The following DCC variants were observed in gnomAD, a reference collection of about 807,000 sequenced individuals.
DCC encodes DCC netrin 1 receptor.
A neutral mutation model predicts 172.5 loss-of-function variants in DCC; 58 were observed. The ratio of observed to expected loss-of-function variants is 0.34; its 90% CI spans 0.27 to 0.42. The LOEUF (loss-of-function observed/expected upper bound fraction) is 0.42. Ranked by LOEUF, DCC falls within the 10% of genes least tolerant of loss-of-function variation. The pLI, the probability that DCC is intolerant of heterozygous loss-of-function variation, is 1.00. For synonymous variants in DCC, 709 were observed against 644.5 expected (o/e 1.10, Z -1.52); for missense variants, 1,740 against 1,791.0 (o/e 0.97, Z 0.51).
chr18:52,729,610 T>C (rs2036605072), intron 1 of DCC, among the ~76,000 whole-genome samples: 1 of 152,194 alleles, frequency 6.6e-6, no homozygotes, highest in Non-Finnish European at 1.5e-5. Flanking sequence ...CTTTGCTGGG[T>C]TATATATTCA....
chr18:52,932,160 C>T (rs901177383), intron 5 of DCC, among the ~76,000 whole-genome samples: 24 of 152,050 alleles, frequency 1.6e-4, no homozygotes, highest in African/African-American at 5.8e-4. Flanking sequence ...TATTTTAAAA[C>T]CTAACTTTTA....
chr18:52,359,887 A>C (rs960768159), intron 1 of DCC, among the ~76,000 whole-genome samples: 2 of 152,212 alleles, frequency 1.3e-5, no homozygotes, highest in Non-Finnish European at 2.9e-5. Context: ...AAGTAGGAAA[A>C]GTGAGACACC....
chr18:52,340,880 T>C lies in DCC; in HGVS notation c.91+2T>C. ...TCAGCGCGCATCTTCAAGTAACCGGTAAGTGGCTCTTTCCTTTCTTCTCGT... is the reference window on the plus strand; with the variant it reads ...TCAGCGCGCATCTTCAAGTAACCGGCAAGTGGCTCTTTCCTTTCTTCTCGT... On this transcript the variant is annotated splice_donor_variant, in intron 1 of 28. Coordinates refer to ENST00000442544, the MANE Select transcript of DCC (RefSeq NM_005215.4). LOFTEE classifies it high-confidence loss of function. The C allele has an allele frequency of 6.2e-7, 1 of 1,609,482 alleles. No individual in the cohort carries two copies. The highest frequency in any genetic ancestry group is 1.7e-5 in the Admixed American group (1 of 60,008).
At chr18:53,153,010 T>C (rs914147962) in intron 7 of DCC, among the ~76,000 whole-genome samples, 1 of 152,202 alleles carries the variant, frequency 6.6e-6, no homozygotes, top group Non-Finnish European at 1.5e-5. Flanking sequence ...AGCATCTGCC[T>C]GCTTGCCATT....
At chr18:52,985,286 ATGTT>A (rs564218528) in intron 5 of DCC, among the ~76,000 whole-genome samples, 157 of 152,154 alleles carry the variant, frequency 1.0e-3, no homozygotes, top group Admixed American at 2.6e-3. Context: ...ATTTGAAAAA[ATGTT>A]TGAGTCCTTG....
At chr18:52,898,888 G>T (rs937482334) in intron 2 of DCC, among the ~76,000 whole-genome samples, 28 of 152,286 alleles carry the variant, frequency 1.8e-4, no homozygotes, top group East Asian at 9.7e-4. Context: ...TGGGTGAGGG[G>T]CTGGCCCTGA....
At chr18:52,430,010 G>A (rs968885269) in intron 1 of DCC, among the ~76,000 whole-genome samples, 1 of 152,090 alleles carries the variant, frequency 6.6e-6, no homozygotes, top group Non-Finnish European at 1.5e-5. Flanking sequence ...GATACAAGCT[G>A]TACAGAGCAT....
intron 5 of DCC, among the ~76,000 whole-genome samples, chr18:52,948,886 G>T (rs1405933876): frequency 6.6e-6 from 1 of 152,106 alleles, no homozygotes; most frequent in Non-Finnish European, 1.5e-5. Flanking sequence ...TAAGTGTGTT[G>T]CTTGGTCACA....
chr18:53,412,808 A>G (rs1910062779), intron 20 of DCC, among the ~76,000 whole-genome samples: 1 of 152,224 alleles, frequency 6.6e-6, no homozygotes, highest in Non-Finnish European at 1.5e-5. Context: ...AGAGAAGTAC[A>G]GGAAACTCAG....
At chr18:52,694,276 C>G (rs1328308557) in intron 1 of DCC, among the ~76,000 whole-genome samples, 1 of 152,022 alleles carries the variant, frequency 6.6e-6, no homozygotes, top group African/African-American at 2.4e-5. Context: ...CCATCACAGT[C>G]CAGTGGAGAC....
chr18:53,287,116 C>T (rs539525915), intron 12 of DCC, among the ~76,000 whole-genome samples: 86 of 152,288 alleles, frequency 5.6e-4, no homozygotes, highest in African/African-American at 1.9e-3. Context: ...AAGAAATTCT[C>T]TAGCATTCAC....
At chr18:53,428,136 A>G (rs1911162196) in intron 21 of DCC, among the ~76,000 whole-genome samples, 1 of 43,184 alleles carries the variant, frequency 2.3e-5, no homozygotes, top group African/African-American at 7.2e-5. Context: ...ATAATATAAT[A>G]TAATAATATA....
chr18:52,691,685 G>T (rs2035931832), intron 1 of DCC, among the ~76,000 whole-genome samples: 1 of 152,072 alleles, frequency 6.6e-6, no homozygotes, highest in African/African-American at 2.4e-5. Context: ...AATTACATTT[G>T]CAAAGACTCT....
rs560657572 is a variant in DCC, at chr18:53,129,259, G to A, written c.1262-28097G>A. On this transcript the variant is annotated intron_variant, in intron 7 of 28. Transcript: ENST00000442544. ...TATCTATTGATTTCTATTATGGAAG[G>A]TGAATATTTTAAGTTTTCTACCCTC... 5.3e-4 allele frequency among the ~76,000 whole-genome samples: 81 copies of A among 152,038 alleles called. 1 individual carries two copies. In the South Asian group the frequency reaches 0.016, roughly 30 times the overall value.
intron 1 of DCC, among the ~76,000 whole-genome samples, chr18:52,646,432 CTA>C (rs971321093): frequency 7.9e-5 from 12 of 152,136 alleles, no homozygotes; most frequent in Non-Finnish European, 1.5e-4. Flanking sequence ...AATTCTGACA[CTA>C]ATACCTGGAT....
At chr18:52,915,933 G>T (rs2040032707) in intron 3 of DCC, among the ~76,000 whole-genome samples, 1 of 152,080 alleles carries the variant, frequency 6.6e-6, no homozygotes, top group Middle Eastern at 3.4e-3. Flanking sequence ...CTAGAACTTT[G>T]GAATTTCTTG....
At chr18:53,130,170 A>G (rs993186181) in intron 7 of DCC, among the ~76,000 whole-genome samples, 27 of 152,158 alleles carry the variant, frequency 1.8e-4, no homozygotes, top group African/African-American at 6.5e-4. Context: ...AAAGTGAAGC[A>G]CTAAAAATAT....
At chr18:53,212,005 A>G (rs1030431347) in intron 11 of DCC, among the ~76,000 whole-genome samples, 1 of 152,098 alleles carries the variant, frequency 6.6e-6, no homozygotes, top group Non-Finnish European at 1.5e-5. Context: ...CCTAGATCAC[A>G]CCACTGCATT....
chr18:53,272,979 A>G (rs998864374), intron 12 of DCC, among the ~76,000 whole-genome samples: 16 of 152,134 alleles, frequency 1.1e-4, no homozygotes, highest in African/African-American at 3.9e-4. Flanking sequence ...AGAAAAGAAC[A>G]CAATTATTGG....
Sources: allele counts gnomAD v4.1 joint callset (sites outside exome capture counted in the v4.1 genomes callset), GRCh38; gene constraint gnomAD v4.1.1; transcripts MANE v1.5; gene names NCBI Gene and HGNC (gene_info 2026-07-23, HGNC 2026-07-21).